Variants in PKP2 observed in about 807,000 individuals in gnomAD.
PKP2 encodes the protein plakophilin-2.
PKP2 carries 73 observed loss-of-function variants against 83.4 expected under a neutral mutation model. The observed-to-expected ratio is 0.88, with a 90% confidence interval of 0.72 to 1.06. The LOEUF (loss-of-function observed/expected upper bound fraction) is 1.06. Ranked by LOEUF, PKP2 falls within the 50% of genes least tolerant of loss-of-function variation. The pLI, the probability that PKP2 is intolerant of heterozygous loss-of-function variation, is 0.00. For missense variants in PKP2, 966 were observed against 1,065.4 expected (o/e 0.91, Z 1.30); for synonymous variants, 409 against 430.4 (o/e 0.95, Z 0.62).
In PKP2 at chr12:32,850,765, C is replaced by G. The variant is rs397516994; in HGVS notation, c.1378+1G>C. The stretch of plus-strand genomic sequence containing the variant: ...GTTCTTCAATGTTCAGTAAGCACTA[C>G]CTGTTATTTGTTTTTTAGTCTCCAA... On this transcript the variant is annotated splice_donor_variant, in intron 5 of 12. Transcript: ENST00000340811. LOFTEE classifies it high-confidence loss of function. 4 of 1,609,914 alleles carry G rather than the reference C, an allele frequency of 2.5e-6. No homozygotes were observed. The highest frequency in any genetic ancestry group is 3.4e-6 in the Non-Finnish European group (4 of 1,177,784).
At chr12:32,883,901 A>C (rs146212219) in intron 1 of PKP2, among the ~76,000 whole-genome samples, 1 of 152,258 alleles carries the variant, frequency 6.6e-6, no homozygotes, top group African/African-American at 2.4e-5. Flanking sequence ...GCATTTGAGG[A>C]AGCAGCAGGC....
At chr12:32,793,699 G>A (rs952168711) in intron 11 of PKP2, among the ~76,000 whole-genome samples, 12 of 140,792 alleles carry the variant, frequency 8.5e-5, no homozygotes, top group Non-Finnish European at 1.5e-4. Flanking sequence ...AGGTTCAAGC[G>A]ATTCTCCTGC....
intron 4 of PKP2, among the ~76,000 whole-genome samples, chr12:32,852,349 C>T (rs1487123850): frequency 6.6e-6 from 1 of 152,102 alleles, no homozygotes; most frequent in Non-Finnish European, 1.5e-5. Context: ...GTTCTAGCCT[C>T]CCTTTCATAG....
At chr12:32,846,610 T>A (rs893080271) in intron 5 of PKP2, among the ~76,000 whole-genome samples, 1 of 151,976 alleles carries the variant, frequency 6.6e-6, no homozygotes, top group African/African-American at 2.4e-5. Context: ...CCAGGCATAG[T>A]GGCGCATGCC....
intron 3 of PKP2, among the ~76,000 whole-genome samples, chr12:32,870,571 C>G (rs1354214093): frequency 6.6e-6 from 1 of 151,952 alleles, no homozygotes; most frequent in Non-Finnish European, 1.5e-5. Context: ...TCACTTTTAT[C>G]TAATATTTTT....
intron 6 of PKP2, among the ~76,000 whole-genome samples, chr12:32,831,265 C>T (rs899877314): frequency 1.6e-4 from 25 of 152,120 alleles, no homozygotes; most frequent in African/African-American, 6.0e-4. Flanking sequence ...TTTAACCACA[C>T]AATAGTGACA....
At chr12:32,837,573 T>C (rs556699209) in intron 6 of PKP2, among the ~76,000 whole-genome samples, 2 of 152,362 alleles carry the variant, frequency 1.3e-5, no homozygotes, top group Admixed American at 6.5e-5. Context: ...TCCCAGATTT[T>C]GGCTATATTC....
rs375796468 is a variant in PKP2 at position 32,818,476 on chromosome 12, C to T, written c.2013+2880G>A. Among the ~76,000 whole-genome samples, 51 of 152,152 alleles carry T rather than the reference C, an allele frequency of 3.4e-4. No individual in the cohort carries two copies. In the East Asian group the frequency reaches 8.7e-3, roughly 26 times the overall value. ...ACTCTGTCTCAAAAACAAAAAAAAC[C>T]CAAAAAAACCCGAAACTTTATTTCA... On this transcript the variant is annotated intron_variant, in intron 9 of 12. Transcript: ENST00000340811.
rs1218677497 is a variant in PKP2 at position 32,822,650 on chromosome 12, A to C, written c.1675-19T>G. On this transcript the variant is annotated intron_variant, in intron 7 of 12. Coordinates refer to ENST00000340811, the MANE Select transcript of PKP2 (RefSeq NM_001005242.3). ...CCGTGGCCTGAGAAAACAGGACAAG[A>C]ATATTGATCGTATACATATAGATAT... is the stretch of plus-strand genomic sequence containing the variant. 3 of 1,612,824 alleles carry C rather than the reference A, an allele frequency of 1.9e-6. No individual in the cohort carries two copies. Among genetic ancestry groups the C allele is most frequent in the Non-Finnish European group, 2.5e-6 (3 of 1,178,976 alleles).
chr12:32,818,077 T>C (rs1449231242), intron 9 of PKP2, among the ~76,000 whole-genome samples: 1 of 152,196 alleles, frequency 6.6e-6, no homozygotes, highest in Non-Finnish European at 1.5e-5. Flanking sequence ...CTGTCTTCCA[T>C]GAAACCAGTC....
intron 1 of PKP2, among the ~76,000 whole-genome samples, chr12:32,891,973 A>G (rs1156751325): frequency 1.3e-5 from 2 of 152,086 alleles, no homozygotes; most frequent in East Asian, 3.9e-4. Flanking sequence ...ACCGAACTCA[A>G]TCTGCTTGGC....
chr12:32,866,699 ACT>A (rs1455852295), intron 4 of PKP2, among the ~76,000 whole-genome samples: 7 of 152,224 alleles, frequency 4.6e-5, no homozygotes, highest in African/African-American at 1.7e-4. Context: ...AGGAACTGGA[ACT>A]CTCATAAATT....
In PKP2 at chr12:32,877,864, A is replaced by G. The variant is rs1359879683; in HGVS notation, c.1016T>C (p.Phe339Ser). The change falls in exon 3 of 13, where the codon TTC (phenylalanine) becomes TCC (serine). Residue 339 changes from phenylalanine (F) to serine (S), a missense_variant. Phe to Ser is a radical substitution (Grantham distance 155). Transcript: ENST00000340811. ...GACTTACCCCAGCTGGGAGTCAGTG[A>G]AAGTGCTTCTCTCAGTGAGCAGATT... ...SGNLLTERST[F>S]TDSQLGNADM... 2 of 1,613,678 alleles carry G rather than the reference A, an allele frequency of 1.2e-6. No individual in the cohort carries two copies. The highest frequency in any genetic ancestry group is 1.7e-6 in the Non-Finnish European group (2 of 1,179,556).
intron 1 of PKP2, among the ~76,000 whole-genome samples, chr12:32,886,467 C>T (rs1484869792): frequency 6.6e-6 from 1 of 152,190 alleles, no homozygotes; most frequent in Non-Finnish European, 1.5e-5. Flanking sequence ...TCATCAAAGA[C>T]CATACGTATG....
In PKP2 at chr12:32,855,773, C is replaced by CAAAA. The variant is rs11431590; in HGVS notation, c.1171-4804_1171-4801dup. ...CCTGGGCGACAGAGAGACTCCATCTCAAAAAAAAAAAAAAAAAAAAAAGGA... is the reference window on the plus strand; with the variant it reads ...CCTGGGCGACAGAGAGACTCCATCTCAAAAAAAAAAAAAAAAAAAAAAAAAAGGA... On this transcript the variant is annotated intron_variant, in intron 4 of 12. Coordinates refer to ENST00000340811, the MANE Select transcript of PKP2 (RefSeq NM_001005242.3). 5.3e-4 allele frequency among the ~76,000 whole-genome samples: 25 copies of CAAAA among 46,798 alleles called. 2 individuals are homozygous for CAAAA. Among genetic ancestry groups the CAAAA allele is most frequent in the African/African-American group, 1.5e-3 (14 of 9,422 alleles). 30.7% of individuals were successfully genotyped at this position (46,798 alleles called of 152,430 possible).
intron 6 of PKP2, among the ~76,000 whole-genome samples, chr12:32,826,234 A>T (rs1197407125): frequency 6.8e-6 from 1 of 147,744 alleles, no homozygotes; most frequent in Non-Finnish European, 1.5e-5. Flanking sequence ...TGAACTCGGA[A>T]GGTGGAGCTT....
intron 1 of PKP2, among the ~76,000 whole-genome samples, chr12:32,887,308 G>A (rs1008965808): frequency 1.6e-4 from 25 of 152,118 alleles, no homozygotes; most frequent in African/African-American, 2.7e-4. Flanking sequence ...TCACTCACAC[G>A]ATATACCAGC....
chr12:32,856,919 T>C (rs1345744537), intron 4 of PKP2, among the ~76,000 whole-genome samples: 1 of 152,150 alleles, frequency 6.6e-6, no homozygotes, highest in Non-Finnish European at 1.5e-5. Context: ...CAACTCTTGG[T>C]AGGAGAACTA....
intron 9 of PKP2, among the ~76,000 whole-genome samples, chr12:32,804,880 G>C (rs1312900871): frequency 6.6e-6 from 1 of 152,204 alleles, no homozygotes; most frequent in African/African-American, 2.4e-5. Flanking sequence ...GCACCACACT[G>C]TTCTCCACAA....
Sources: gnomAD v4.1 joint callset for allele counts (sites outside exome capture counted in the v4.1 genomes callset) on GRCh38, gnomAD v4.1.1 for gene constraint, MANE v1.5 for transcripts, NCBI Gene and HGNC (gene_info 2026-07-23, HGNC 2026-07-21) for gene names.